The following PTPRO variants were observed in gnomAD, a reference collection of about 807,000 sequenced individuals.
The protein encoded by PTPRO is protein tyrosine phosphatase receptor type O, also known as receptor-type tyrosine-protein phosphatase O.
Under a neutral mutation model 145.2 loss-of-function variants are expected in PTPRO, and 62 were observed. The observed-to-expected ratio is 0.43, with a 90% confidence interval of 0.35 to 0.53. The LOEUF is 0.53. Ranked by LOEUF, PTPRO falls within the 20% of genes least tolerant of loss-of-function variation. PTPRO has a pLI of 0.01. For missense variants in PTPRO, 1,345 were observed against 1,482.7 expected (o/e 0.91, Z 1.53); for synonymous variants, 565 against 514.7 (o/e 1.10, Z -1.32).
chr12:15,539,559 C>T (rs1436035246), intron 12 of PTPRO, among the ~76,000 whole-genome samples: 3 of 151,732 alleles, frequency 2.0e-5, no homozygotes, highest in East Asian at 1.9e-4. Flanking sequence ...GCCGGGAGTT[C>T]GAGACCAGCC....
chr12:15,346,735 A>C (rs1379308371), intron 1 of PTPRO: 2 of 152,172 alleles, frequency 1.3e-5, no homozygotes, highest in Non-Finnish European at 2.9e-5. Flanking sequence ...CCAACAGCTA[A>C]CTCAGTTAGT....
intron 1 of PTPRO, among the ~76,000 whole-genome samples, chr12:15,462,089 C>A (rs781365032): frequency 6.6e-6 from 1 of 152,102 alleles, no homozygotes; most frequent in Non-Finnish European, 1.5e-5. Flanking sequence ...CTGAAATATA[C>A]CACACACACC....
chr12:15,352,443 G>T (rs1178480605), intron 1 of PTPRO, among the ~76,000 whole-genome samples: 1 of 152,088 alleles, frequency 6.6e-6, no homozygotes. Flanking sequence ...GAGGTCAGGA[G>T]ATCTAGACCA....
At chr12:15,448,352 A>AAAAAAAAAAG (rs1565635326) in intron 1 of PTPRO, among the ~76,000 whole-genome samples, 7 of 148,250 alleles carry the variant, frequency 4.7e-5, no homozygotes, top group African/African-American at 1.5e-4. Flanking sequence ...AAAAAAAAAA[A>AAAAAAAAAAG]AAAAAAAAGC....
intron 12 of PTPRO, among the ~76,000 whole-genome samples, chr12:15,539,377 T>C (rs990269461): frequency 1.3e-5 from 2 of 152,136 alleles, no homozygotes; most frequent in Non-Finnish European, 2.9e-5. Flanking sequence ...ACTCTATTGA[T>C]CTTTAGAAGT....
chr12:15,421,426 G>A (rs1001933445), intron 1 of PTPRO, among the ~76,000 whole-genome samples: 3 of 152,118 alleles, frequency 2.0e-5, no homozygotes, highest in Non-Finnish European at 4.4e-5. Context: ...GAGGGAATAG[G>A]AAGGGCTCAC....
chr12:15,411,502 G>A (rs1939799984), intron 1 of PTPRO, among the ~76,000 whole-genome samples: 1 of 152,182 alleles, frequency 6.6e-6, no homozygotes, highest in Non-Finnish European at 1.5e-5. Context: ...ACTGCCTCTA[G>A]AGAAGCTGAA....
intron 18 of PTPRO, among the ~76,000 whole-genome samples, chr12:15,568,369 G>T (rs1353106660): frequency 6.6e-6 from 1 of 152,156 alleles, no homozygotes; most frequent in Admixed American, 6.5e-5. Context: ...GGCAGAAGTT[G>T]CAGTGAGCCG....
chr12:15,373,008 C>A (rs977676508), intron 1 of PTPRO, among the ~76,000 whole-genome samples: 16 of 152,040 alleles, frequency 1.1e-4, no homozygotes, highest in Non-Finnish European at 2.9e-5. Flanking sequence ...GTCACAAGGG[C>A]AAATTGGAGT....
Position 15,432,257 on chromosome 12 carries a change from G to T in PTPRO, c.76-51717G>T, listed in dbSNP as rs541492868. On this transcript the variant is annotated intron_variant, in intron 1 of 26. Coordinates refer to ENST00000281171, the MANE Select transcript of PTPRO (RefSeq NM_030667.3). ...TTGTAAGTGAGAACATGCAGTATTT[G>T]GTTTTCCATTCCTGCAATAGTTTGC... is the stretch of plus-strand genomic sequence containing the variant. Among the ~76,000 whole-genome samples, 19 of 152,238 alleles carry T rather than the reference G, an allele frequency of 1.2e-4. 1 individual carries two copies. The South Asian group carries it at 3.9e-3, about 32-fold the overall frequency.
chr12:15,479,108 A>AAAG (rs1344482943), intron 1 of PTPRO, among the ~76,000 whole-genome samples: 1 of 152,252 alleles, frequency 6.6e-6, no homozygotes, highest in Admixed American at 6.5e-5. Flanking sequence ...TTTCATATGT[A>AAAG]AAGCCTGAGA....
intron 25 of PTPRO, among the ~76,000 whole-genome samples, chr12:15,591,393 T>C (rs758764045): frequency 3.3e-5 from 5 of 151,802 alleles, no homozygotes; most frequent in Non-Finnish European, 5.9e-5. Context: ...AAAAACTTAG[T>C]AGATTTTAAT....
chr12:15,527,269 C>A (rs751284929), intron 12 of PTPRO, among the ~76,000 whole-genome samples: 1 of 152,166 alleles, frequency 6.6e-6, no homozygotes, highest in Non-Finnish European at 1.5e-5. Flanking sequence ...GCCTCCCCCG[C>A]GATTCTGCCT....
chr12:15,462,711 T>A (rs1941332726), intron 1 of PTPRO, among the ~76,000 whole-genome samples: 1 of 152,210 alleles, frequency 6.6e-6, no homozygotes, highest in Non-Finnish European at 1.5e-5. Flanking sequence ...CTTTAAGGAA[T>A]AGGCATAATT....
intron 1 of PTPRO, among the ~76,000 whole-genome samples, chr12:15,466,574 G>T (rs1396179698): frequency 1.3e-5 from 2 of 152,014 alleles, no homozygotes; most frequent in African/African-American, 4.8e-5. Flanking sequence ...CACCTTTTTA[G>T]ACCATCAAAA....
intron 15 of PTPRO, among the ~76,000 whole-genome samples, chr12:15,553,639 A>C (rs1323361883): frequency 6.6e-6 from 1 of 152,196 alleles, no homozygotes; most frequent in Non-Finnish European, 1.5e-5. Flanking sequence ...GCTTTTACTC[A>C]GTAAAATGAG....
At chr12:15,438,450 A>G (rs1351046938) in intron 1 of PTPRO, among the ~76,000 whole-genome samples, 1 of 152,188 alleles carries the variant, frequency 6.6e-6, no homozygotes, top group East Asian at 1.9e-4. Context: ...TTGAAAATCA[A>G]CAAAAGGAAA....
chr12:15,547,246 GA>G (rs1269844719), intron 13 of PTPRO, among the ~76,000 whole-genome samples: 1 of 152,178 alleles, frequency 6.6e-6, no homozygotes, highest in African/African-American at 2.4e-5. Flanking sequence ...AATGAAGACT[GA>G]GAGAAGGTTA....
chr12:15,484,989 A>T (rs933188943), intron 2 of PTPRO, among the ~76,000 whole-genome samples: 1 of 152,130 alleles, frequency 6.6e-6, no homozygotes, highest in Non-Finnish European at 1.5e-5. Flanking sequence ...AGAGTTTATC[A>T]CTAGCACAAT....
Sources: allele counts gnomAD v4.1 joint callset (sites outside exome capture counted in the v4.1 genomes callset), GRCh38; gene constraint gnomAD v4.1.1; transcripts MANE v1.5; gene names NCBI Gene and HGNC (gene_info 2026-07-23, HGNC 2026-07-21).